The following GRK5 variants were observed in gnomAD, a reference collection of about 807,000 sequenced individuals.
GRK5 encodes the protein g protein-coupled receptor kinase GRK5.
In GRK5, 40 loss-of-function variants were observed where a neutral mutation model predicts 78.4. That is an observed-to-expected ratio of 0.51 (90% confidence interval 0.40 to 0.66). The LOEUF (loss-of-function observed/expected upper bound fraction) is 0.66, where lower values mean the gene tolerates loss of function less well. GRK5 is among the 30% of genes least tolerant of loss of function. The pLI is 0.00. For synonymous variants in GRK5, 289 were observed against 296.8 expected (o/e 0.97, Z 0.27); for missense variants, 598 against 759.9 (o/e 0.79, Z 2.50).
chr10:119,291,555 T>TCCTCCTCC (rs1849956634), intron 1 of GRK5, among the ~76,000 whole-genome samples: 1 of 114,606 alleles, frequency 8.7e-6, no homozygotes. Context: ...CCTCCTCCTC[T>TCCTCCTCC]TCCTCCTCCT....
At chr10:119,370,273 C>T (rs558157102) in intron 2 of GRK5, among the ~76,000 whole-genome samples, 20 of 152,294 alleles carry the variant, frequency 1.3e-4, no homozygotes, top group Admixed American at 7.8e-4. Flanking sequence ...AGCCCAGGCC[C>T]AGACACCCTG....
At chr10:119,284,505 T>G (rs1849814744) in intron 1 of GRK5, among the ~76,000 whole-genome samples, 2 of 152,128 alleles carry the variant, frequency 1.3e-5, no homozygotes, top group Admixed American at 1.3e-4. Context: ...AACAAGATAT[T>G]TTACATTCCT....
At chr10:119,377,246 G>T (rs999882046) in intron 2 of GRK5, among the ~76,000 whole-genome samples, 1 of 152,182 alleles carries the variant, frequency 6.6e-6, no homozygotes, top group Non-Finnish European at 1.5e-5. Context: ...AGCATGTATC[G>T]TAGAACTTCT....
chr10:119,209,524 A>T, intron 1 of GRK5, among the ~76,000 whole-genome samples: 2 of 104,428 alleles, frequency 1.9e-5, no homozygotes, highest in Admixed American at 1.3e-4. Flanking sequence ...TCCTAACCTG[A>T]CATTTTTAGT....
intron 4 of GRK5, among the ~76,000 whole-genome samples, chr10:119,404,621 G>A (rs137886353): frequency 1.2e-3 from 183 of 152,288 alleles, no homozygotes; most frequent in African/African-American, 4.2e-3. Context: ...GAAAGGGTGT[G>A]TATGGAAACA....
At chr10:119,241,594 A>C (rs1849029634) in intron 1 of GRK5, among the ~76,000 whole-genome samples, 1 of 152,180 alleles carries the variant, frequency 6.6e-6, no homozygotes, top group South Asian at 2.1e-4. Context: ...TGGTGGGCAC[A>C]TAGGGGATGT....
At chr10:119,436,373 C>T (rs1035774311) in intron 8 of GRK5, among the ~76,000 whole-genome samples, 6 of 152,272 alleles carry the variant, frequency 3.9e-5, no homozygotes, top group African/African-American at 4.8e-5. Flanking sequence ...GAAGCACAGA[C>T]GCCATTCTGT....
chr10:119,438,658 G>A (rs1266585940), intron 9 of GRK5, among the ~76,000 whole-genome samples: 1 of 152,200 alleles, frequency 6.6e-6, no homozygotes, highest in Non-Finnish European at 1.5e-5. Flanking sequence ...GAGAACCACA[G>A]TGCCTCCTCC....
At chr10:119,324,020 G>A (rs1005457521) in intron 1 of GRK5, among the ~76,000 whole-genome samples, 5 of 152,188 alleles carry the variant, frequency 3.3e-5, no homozygotes, top group Admixed American at 6.5e-5. Context: ...GCGGGCCTCC[G>A]GTCTGGCTTG....
intron 1 of GRK5, among the ~76,000 whole-genome samples, chr10:119,241,574 A>G (rs550352155): frequency 3.9e-5 from 6 of 152,304 alleles, no homozygotes; most frequent in Admixed American, 6.5e-5. Flanking sequence ...AATTGTGAAA[A>G]TTGGCATAGT....
At chr10:119,394,092 T>G (rs1178067215) in intron 3 of GRK5, among the ~76,000 whole-genome samples, 1 of 116,592 alleles carries the variant, frequency 8.6e-6, no homozygotes, top group Non-Finnish European at 1.8e-5. Flanking sequence ...TGGGTATCTG[T>G]GTGTGTCTGC....
chr10:119,272,596 AAG>A lies in GRK5; in HGVS notation c.53-53918_53-53917del, dbSNP rs1243142230. 1.2e-3 allele frequency among the ~76,000 whole-genome samples: 175 copies of A among 146,082 alleles called. 1 individual carries two copies. The highest frequency in any genetic ancestry group is 4.2e-3 in the African/African-American group (170 of 40,096). On this transcript the variant is annotated intron_variant, in intron 1 of 15. Coordinates refer to ENST00000392870, the MANE Select transcript of GRK5 (RefSeq NM_005308.3). The stretch of plus-strand genomic sequence containing the variant: ...ATCTCAAAAAAAAAAAAAAAAAAGA[AAG>A]AAAGAAAGAAACAAGAAACTGAGTG...
intron 2 of GRK5, among the ~76,000 whole-genome samples, chr10:119,365,086 C>T (rs1851424039): frequency 6.6e-6 from 1 of 152,156 alleles, no homozygotes; most frequent in South Asian, 2.1e-4. Flanking sequence ...AGCAGCAGCG[C>T]CCCAGGCTGA....
intron 2 of GRK5, among the ~76,000 whole-genome samples, chr10:119,376,998 G>A (rs534086844): frequency 4.6e-5 from 7 of 152,306 alleles, no homozygotes; most frequent in South Asian, 4.1e-4. Context: ...GTGTATGTGC[G>A]TGCGTGTGTG....
At position 119,430,342 on chromosome 10, in the gene GRK5, A is replaced by C. The variant is rs750901719; in HGVS notation, c.534-33A>C. On this transcript the variant is annotated intron_variant, in intron 6 of 15. Transcript: ENST00000392870. This position sits in a 1 kb window ranked among gnomAD's most constrained non-coding sequence, Gnocchi z 4.5. Reference sequence around the variant, plus strand: ...CCTGTGGATTCTGAGTCTTGGCACCATGAGACCAGTGTGGGATTCTTCTTT... The same window carrying C: ...CCTGTGGATTCTGAGTCTTGGCACCCTGAGACCAGTGTGGGATTCTTCTTT... 2 of 1,595,060 alleles carry C rather than the reference A, an allele frequency of 1.3e-6. No individual in the cohort carries two copies. The highest frequency in any genetic ancestry group is 1.7e-6 in the Non-Finnish European group (2 of 1,162,990).
intron 1 of GRK5, among the ~76,000 whole-genome samples, chr10:119,273,470 T>G (rs1849617640): frequency 6.6e-6 from 1 of 152,296 alleles, no homozygotes; most frequent in African/African-American, 2.4e-5. Flanking sequence ...CCATGATCTA[T>G]TCATGGTGTA....
intron 1 of GRK5, among the ~76,000 whole-genome samples, chr10:119,276,307 G>A (rs1849670006): frequency 6.6e-6 from 1 of 151,100 alleles, no homozygotes; most frequent in Non-Finnish European, 1.5e-5. Flanking sequence ...GTGTCTATGT[G>A]TTCTCATTGT....
chr10:119,289,897 ACT>A (rs1480412870), intron 1 of GRK5, among the ~76,000 whole-genome samples: 1 of 152,146 alleles, frequency 6.6e-6, no homozygotes, highest in Non-Finnish European at 1.5e-5. Context: ...TAAAACTCAC[ACT>A]GTTTTAAATG....
In GRK5 at chr10:119,445,495, A is replaced by G. The variant is rs1345677224; in HGVS notation, c.1266+1743A>G. 2.0e-5 allele frequency among the ~76,000 whole-genome samples: 3 copies of G among 152,088 alleles called. No homozygotes were observed. Among genetic ancestry groups the G allele is most frequent in the South Asian group, 2.1e-4 (1 of 4,812 alleles). ...GCTGGGATCTCCTGCTGCAGCCTGG[A>G]CCAGGGTGCTGCTGTCCCTCTGCTG... On this transcript the variant is annotated intron_variant, in intron 12 of 15. Transcript: ENST00000392870. This position sits in a 1 kb window ranked among gnomAD's most constrained non-coding sequence, Gnocchi z 4.1.
Sources: gnomAD v4.1 joint callset for allele counts (sites outside exome capture counted in the v4.1 genomes callset) on GRCh38, gnomAD v4.1.1 for gene constraint, Gnocchi (gnomAD v3.1) non-coding constraint, MANE v1.5 for transcripts, NCBI Gene and HGNC (gene_info 2026-07-23, HGNC 2026-07-21) for gene names.